The following CFAP54 variants were observed in gnomAD, a reference collection of about 807,000 sequenced individuals.
CFAP54 encodes the protein cilia and flagella associated protein 54.
In CFAP54, 290 loss-of-function variants were observed where a neutral mutation model predicts 370.4. The ratio of observed to expected loss-of-function variants is 0.78; its 90% CI spans 0.71 to 0.86. The LOEUF (loss-of-function observed/expected upper bound fraction) is 0.86, where lower values mean the gene tolerates loss of function less well. Ranked by LOEUF, CFAP54 falls within the 40% of genes least tolerant of loss-of-function variation. The probability of loss-of-function intolerance (pLI) is 0.00; values close to 1 mark genes in which losing one functional copy is unlikely to be tolerated. For synonymous variants in CFAP54, 1,206 were observed against 1,236.5 expected (o/e 0.98, Z 0.52); for missense variants, 3,399 against 3,528.7 (o/e 0.96, Z 0.93).
rs566784908 is a variant in CFAP54 at position 96,781,824 on chromosome 12, A to G, written c.8282-2893A>G. 1.6e-4 allele frequency among the ~76,000 whole-genome samples: 24 copies of G among 152,282 alleles called. 1 individual carries two copies. The South Asian group carries it at 4.4e-3, about 28-fold the overall frequency. ...AAAGTCACTAGATATATTTTCTAAA[A>G]CTGATAGTTTAAGAAAATGGTATAA... On this transcript the variant is annotated intron_variant, in intron 60 of 67. Transcript: ENST00000524981.
chr12:96,621,959 C>T (rs922155402), intron 27 of CFAP54, among the ~76,000 whole-genome samples: 1 of 128,856 alleles, frequency 7.8e-6, no homozygotes, highest in Non-Finnish European at 1.6e-5. Flanking sequence ...GCTGAATAGT[C>T]CCCATCACCA....
At chr12:96,580,445 T>G (rs1956021539) in intron 20 of CFAP54, 152 bp from the exon 21 acceptor site, 1 of 161,310 alleles carries the variant, frequency 6.2e-6, no homozygotes, top group African/African-American at 2.4e-5. Flanking sequence ...AGGTTACTTT[T>G]ACTCTTTAAA....
chr12:96,518,877 C>A, intron 5 of CFAP54, 51 bp from the exon 6 acceptor site: 2 of 1,463,194 alleles, frequency 1.4e-6, no homozygotes, highest in Non-Finnish European at 1.8e-6. Flanking sequence ...ATACAATTAT[C>A]ATTATTAACT....
Position 96,503,886 on chromosome 12 carries a change from G to C in CFAP54, c.424G>C (p.Glu142Gln). Residue 142 changes from glutamate (E) to glutamine (Q), a missense_variant and splice_region_variant, in exon 3 of 68, where the codon GAA becomes CAA. Transcript: ENST00000524981. ...KVGDSLCQMKEYKLALLQCYG... is the reference protein window; with the variant it reads ...KVGDSLCQMKQYKLALLQCYG... Reference sequence around the variant, plus strand: ...TAATCAAGTACTCCTTTTGTTTCAGGAATACAAACTGGCCCTTTTACAATG... The same window carrying C: ...TAATCAAGTACTCCTTTTGTTTCAGCAATACAAACTGGCCCTTTTACAATG... The C allele has an allele frequency of 6.8e-7, 1 of 1,472,648 alleles. No individual in the cohort carries two copies. Among genetic ancestry groups the C allele is most frequent in the East Asian group, 2.6e-5 (1 of 38,452 alleles). The allele number at this position is 1,472,648 out of a possible 1,614,324, so 91.2% of individuals were successfully genotyped here. A position where few individuals can be genotyped will look rare whatever the true frequency, so the allele number is the denominator to read the frequency against.
At chr12:96,602,738 G>T (rs1403279019) in intron 26 of CFAP54, among the ~76,000 whole-genome samples, 1 of 151,996 alleles carries the variant, frequency 6.6e-6, no homozygotes, top group Non-Finnish European at 1.5e-5. Context: ...TTTGATCTTT[G>T]TTGGTTTAAA....
intron 55 of CFAP54, among the ~76,000 whole-genome samples, chr12:96,750,764 G>A (rs537879066): frequency 2.6e-5 from 4 of 152,230 alleles, no homozygotes; most frequent in Admixed American, 6.5e-5. Flanking sequence ...TACTGTTGCC[G>A]TGTTTTAGAG....
chr12:96,664,800 TATATATATATATAG>T (rs1565934604), intron 39 of CFAP54, among the ~76,000 whole-genome samples: 390 of 37,702 alleles, frequency 0.01, 10 homozygotes, highest in East Asian at 0.046. Flanking sequence ...TATATATATA[TATATATATATATAG>T]ATATATATAT....
In CFAP54 at chr12:96,649,947, A is replaced by G. The variant is rs776457571; in HGVS notation, c.4747A>G (p.Lys1583Glu). ...NSIMSDENMSKTQTVYDSDSQ... is the reference protein window; with the variant it reads ...NSIMSDENMSETQTVYDSDSQ... ...CATAATGAGTGATGAAAATATGTCC[A>G]AGACACAAACAGTTTATGACTCAGA... The change falls in exon 35 of 68, where the codon AAG becomes GAG. Residue 1583 changes from lysine to glutamate, a missense_variant. Transcript: ENST00000524981. 1.9e-6 allele frequency: 3 copies of G among 1,612,212 alleles called. No individual in the cohort carries two copies. The highest frequency in any genetic ancestry group is 2.5e-6 in the Non-Finnish European group (3 of 1,178,836).
At chr12:96,851,827 T>C (rs1959554459) in intron 66 of CFAP54, among the ~76,000 whole-genome samples, 1 of 152,090 alleles carries the variant, frequency 6.6e-6, no homozygotes, top group African/African-American at 2.4e-5. Flanking sequence ...AGTCATATGT[T>C]AATAATACCC....
intron 65 of CFAP54, among the ~76,000 whole-genome samples, chr12:96,826,526 AT>A (rs1208320055): frequency 9.6e-5 from 7 of 73,148 alleles, no homozygotes; most frequent in Non-Finnish European, 1.5e-4. Context: ...TATATAATAT[AT>A]TATATATTAT....
chr12:96,527,195 A>G (rs1454180472), intron 8 of CFAP54, 51 bp from the exon 9 acceptor site: 1 of 1,435,292 alleles, frequency 7.0e-7, no homozygotes, highest in Admixed American at 2.5e-5. Flanking sequence ...CTGCGCCCAC[A>G]ATATAATAGC....
At chr12:96,576,424 A>G (rs1485167449) in intron 19 of CFAP54, among the ~76,000 whole-genome samples, 161 bp from the exon 20 acceptor site, 1 of 151,450 alleles carries the variant, frequency 6.6e-6, no homozygotes, top group Non-Finnish European at 1.5e-5. Flanking sequence ...CTTTTGCAAA[A>G]TCATTAAATA....
chr12:96,700,466 A>G (rs1957480238), intron 46 of CFAP54, among the ~76,000 whole-genome samples: 1 of 152,186 alleles, frequency 6.6e-6, no homozygotes, highest in Non-Finnish European at 1.5e-5. Flanking sequence ...GTCTTTCCTT[A>G]TGTCTTATTT....
intron 9 of CFAP54, 43 bp from the exon 10 acceptor site, chr12:96,533,749 A>T: frequency 7.5e-7 from 1 of 1,336,056 alleles, no homozygotes; most frequent in Non-Finnish European, 9.9e-7. Context: ...ATAAATATTT[A>T]TTTGCATGAG....
rs1042791334 is a variant in CFAP54, at chr12:96,688,952, CTG to C, written c.6053_6054del (p.Cys2018LeufsTer13). The C allele has an allele frequency of 2.5e-6, 4 of 1,582,994 alleles. No individual in the cohort carries two copies. The African/African-American group carries it at 4.1e-5, about 16-fold the overall frequency. On this transcript the variant is annotated frameshift_variant, in exon 43 of 68. Coordinates refer to ENST00000524981, the MANE Select transcript of CFAP54 (RefSeq NM_001306084.2). LOFTEE classifies it high-confidence loss of function. ...KSLNVEKKTD[C>X]CILSALLFQG... The stretch of plus-strand genomic sequence containing the variant: ...CATTGAATGTTGAAAAGAAAACTGA[CTG>C]TTGCATTTTGTCTGCGTTACTCTTT...
At chr12:96,640,238 A>T (rs917445224) in intron 32 of CFAP54, among the ~76,000 whole-genome samples, 1 of 152,232 alleles carries the variant, frequency 6.6e-6, no homozygotes, top group Non-Finnish European at 1.5e-5. Context: ...AAGTCTCAGG[A>T]TACGAAATCA....
chr12:96,860,671 G>A (rs972716049), intron 66 of CFAP54, 148 bp from the exon 67 acceptor site: 2 of 649,642 alleles, frequency 3.1e-6, no homozygotes, highest in African/African-American at 1.8e-5. Context: ...CAGCAGTTTA[G>A]AGGTATGAAA....
At chr12:96,618,157 A>G (rs1257357967) in intron 26 of CFAP54, among the ~76,000 whole-genome samples, 1 of 152,090 alleles carries the variant, frequency 6.6e-6, no homozygotes, top group East Asian at 1.9e-4. Flanking sequence ...AGTAACTAAC[A>G]GGGGCTACTG....
At chr12:96,770,827 T>C (rs1299175182) in intron 60 of CFAP54, among the ~76,000 whole-genome samples, 1 of 152,228 alleles carries the variant, frequency 6.6e-6, no homozygotes, top group Non-Finnish European at 1.5e-5. Flanking sequence ...ACTATTCCAC[T>C]ACTAATTCAA....
Sources: gnomAD v4.1 joint callset for allele counts (sites outside exome capture counted in the v4.1 genomes callset) on GRCh38, gnomAD v4.1.1 for gene constraint, MANE v1.5 for transcripts, NCBI Gene and HGNC (gene_info 2026-07-23, HGNC 2026-07-21) for gene names.